DPP6: variants seen among roughly 807,000 people sequenced by gnomAD.
DPP6 encodes dipeptidyl peptidase like 6.
In DPP6, 69 loss-of-function variants were observed where a neutral mutation model predicts 122.6. That is an observed-to-expected ratio of 0.56 (90% confidence interval 0.46 to 0.69). The LOEUF is 0.69. Ranked by LOEUF, DPP6 falls within the 30% of genes least tolerant of loss-of-function variation. DPP6 has a pLI of 0.00. For missense variants in DPP6, 928 were observed against 1,116.9 expected, an observed-to-expected ratio of 0.83 and a Z score of 2.41; for synonymous variants, 418 against 433.1, an observed-to-expected ratio of 0.97 and a Z score of 0.43.
At position 154,422,150 on chromosome 7, in the gene DPP6, C is replaced by A. The variant is rs141925634; in HGVS notation, c.244-24064C>A. Among the ~76,000 whole-genome samples the A allele has an allele frequency of 6.4e-3, 972 of 152,256 alleles. 45 individuals carry two copies. The highest frequency in any genetic ancestry group is 0.056 in the Admixed American group (862 of 15,290). On this transcript the variant is annotated intron_variant, in intron 1 of 25. Transcript: ENST00000377770. Reference sequence around the variant, plus strand: ...AGGACAGGATCTGTGGGAATAAATACCTGAATTCTCTCCTGACTTTTTGAT... The same window carrying A: ...AGGACAGGATCTGTGGGAATAAATAACTGAATTCTCTCCTGACTTTTTGAT...
chr7:153,873,810 A>C, the DPP6 span, among the ~76,000 whole-genome samples: 129 of 152,350 alleles, frequency 8.5e-4, 1 homozygote, highest in African/African-American at 3.0e-3. Context: ...TTGTGTCTTC[A>C]TGTCCAAAAG....
At chr7:154,623,651 A>ACGCACCCATGCG (rs55655116) in intron 5 of DPP6, among the ~76,000 whole-genome samples, 1,969 of 144,770 alleles carry the variant, frequency 0.014, 18 homozygotes, top group Non-Finnish European at 0.02. Flanking sequence ...ACGCGCACAC[A>ACGCACCCATGCG]CGCGCACACA....
chr7:153,835,340 A>G, the DPP6 span, among the ~76,000 whole-genome samples: 3 of 152,122 alleles, frequency 2.0e-5, no homozygotes, highest in African/African-American at 7.2e-5. Context: ...CTAAAAGACT[A>G]AGTTTGCCCT....
chr7:154,012,099 CATT>C (rs1798180591), intron 1 of DPP6, among the ~76,000 whole-genome samples: 1 of 152,104 alleles, frequency 6.6e-6, no homozygotes, highest in African/African-American at 2.4e-5. Context: ...GGCTCAGAAA[CATT>C]AAGCAACTGT....
At chr7:154,373,713 C>T (rs1453722329) in intron 1 of DPP6, among the ~76,000 whole-genome samples, 3 of 47,788 alleles carry the variant, frequency 6.3e-5, no homozygotes, top group Admixed American at 2.5e-4. Context: ...GCTGTGCAGG[C>T]ATTTTCCACC....
intron 1 of DPP6, among the ~76,000 whole-genome samples, chr7:154,060,724 G>C (rs1179452294): frequency 6.9e-6 from 1 of 143,982 alleles, no homozygotes; most frequent in Non-Finnish European, 1.5e-5. Flanking sequence ...CAGGGGGGGA[G>C]GCACCCCCCG....
intron 1 of DPP6, among the ~76,000 whole-genome samples, chr7:154,102,855 A>C (rs1239070534): frequency 1.3e-5 from 2 of 152,160 alleles, no homozygotes; most frequent in Admixed American, 6.5e-5. Context: ...CTCTAAAATC[A>C]GGCCACTTTA....
the DPP6 span, among the ~76,000 whole-genome samples, chr7:153,878,803 A>G: frequency 6.6e-6 from 1 of 152,178 alleles, no homozygotes; most frequent in Non-Finnish European, 1.5e-5. Flanking sequence ...TTTTTACATT[A>G]AAAGACAGAA....
intron 1 of DPP6, among the ~76,000 whole-genome samples, chr7:154,008,366 G>C (rs1267402036): frequency 6.6e-6 from 1 of 152,224 alleles, no homozygotes; most frequent in African/African-American, 2.4e-5. Context: ...TGCCATTTCA[G>C]TGTACTTTTT....
At chr7:154,186,878 A>C (rs917204653) in intron 1 of DPP6, among the ~76,000 whole-genome samples, 3 of 152,256 alleles carry the variant, frequency 2.0e-5, no homozygotes, top group African/African-American at 7.2e-5. Flanking sequence ...AAACAGTTTC[A>C]GAGGAAGGAT....
At chr7:154,106,677 GCTGGT>G in intron 1 of DPP6, among the ~76,000 whole-genome samples, 1 of 152,134 alleles carries the variant, frequency 6.6e-6, no homozygotes, top group African/African-American at 2.4e-5. Context: ...GAAGGCAGCA[GCTGGT>G]CTGGGAATGA....
At chr7:154,245,117 A>G (rs1400606663) in intron 1 of DPP6, among the ~76,000 whole-genome samples, 2 of 151,320 alleles carry the variant, frequency 1.3e-5, no homozygotes, top group African/African-American at 2.4e-5. Context: ...TGCCCAGCTA[A>G]TTTTTGTATT....
At chr7:153,804,394 G>A in the DPP6 span, among the ~76,000 whole-genome samples, 12 of 152,100 alleles carry the variant, frequency 7.9e-5, no homozygotes, top group South Asian at 4.2e-4. Context: ...TCATGGTACC[G>A]TCATTCATCA....
intron 1 of DPP6, among the ~76,000 whole-genome samples, chr7:154,401,021 C>A (rs1211129198): frequency 6.6e-6 from 1 of 151,908 alleles, no homozygotes; most frequent in East Asian, 1.9e-4. Flanking sequence ...GCCAACATGG[C>A]AAAACCTCGT....
At chr7:154,125,742 C>G (rs574544540) in intron 1 of DPP6, among the ~76,000 whole-genome samples, 7 of 152,216 alleles carry the variant, frequency 4.6e-5, no homozygotes, top group African/African-American at 1.7e-4. Context: ...ATAATGGGTT[C>G]ACATTGCACA....
intron 1 of DPP6, among the ~76,000 whole-genome samples, chr7:154,281,904 C>A (rs1399469363): frequency 6.6e-6 from 1 of 152,178 alleles, no homozygotes; most frequent in Non-Finnish European, 1.5e-5. Flanking sequence ...CTGAAAAGAG[C>A]CTCTCCCAGA....
At chr7:154,872,578 G>A (rs1341277137) in intron 18 of DPP6, 46 bp from the exon 19 acceptor site, 2 of 1,562,548 alleles carry the variant, frequency 1.3e-6, no homozygotes, top group African/African-American at 1.4e-5. Flanking sequence ...GATACCCCGT[G>A]GCCAGCATTG....
At chr7:154,465,028 C>A (rs1214239779) in intron 2 of DPP6, among the ~76,000 whole-genome samples, 1 of 151,944 alleles carries the variant, frequency 6.6e-6, no homozygotes, top group Non-Finnish European at 1.5e-5. Flanking sequence ...AAAATTATAC[C>A]AATATACTGT....
chr7:154,444,301 C>CA (rs768049544), intron 1 of DPP6, among the ~76,000 whole-genome samples: 3,937 of 124,518 alleles, frequency 0.032, 145 homozygotes, highest in African/African-American at 0.092. Context: ...ACTAAATAGA[C>CA]AAAAAAAAAA....
Sources: gnomAD v4.1 joint callset for allele counts (sites outside exome capture counted in the v4.1 genomes callset) on GRCh38, gnomAD v4.1.1 for gene constraint, MANE v1.5 for transcripts, NCBI Gene and HGNC (gene_info 2026-07-23, HGNC 2026-07-21) for gene names.